The following L3MBTL4 variants were observed in gnomAD, a reference collection of about 807,000 sequenced individuals.
L3MBTL4 encodes L3MBTL histone methyl-lysine binding protein 4, also known as lethal(3)malignant brain tumor-like protein 4.
L3MBTL4 carries 70 observed loss-of-function variants against 84.5 expected under a neutral mutation model. The observed-to-expected ratio is 0.83, with a 90% CI of 0.68 to 1.01. The LOEUF is 1.01. Among genes scored for constraint, L3MBTL4 ranks in the 50% least tolerant of loss-of-function variants. The pLI is 0.00. For missense variants in L3MBTL4, 715 were observed against 754.8 expected, an observed-to-expected ratio of 0.95 and a Z score of 0.62; for synonymous variants, 274 against 259.8, an observed-to-expected ratio of 1.05 and a Z score of -0.52.
rs372278163 is a variant in L3MBTL4 at position 6,138,336 on chromosome 18, T to C, written c.1097-40A>G. On this transcript the variant is annotated intron_variant, in intron 13 of 18. Transcript: ENST00000317931. ...AGAACATGCCTTGAAAACACCCTCA[T>C]TAAAGAAGACTGCAAATCTGAAATA... 3.4e-5 allele frequency: 42 copies of C among 1,236,132 alleles called. No homozygotes were observed. In the Middle Eastern group the frequency reaches 2.1e-3, roughly 61 times the overall value. 76.6% of individuals were successfully genotyped at this position (1,236,132 alleles called of 1,614,324 possible). A position where few individuals can be genotyped will look rare whatever the true frequency, so the allele number is the denominator to read the frequency against.
chr18:6,325,056 A>G (rs2051644252), intron 1 of L3MBTL4, among the ~76,000 whole-genome samples: 1 of 152,186 alleles, frequency 6.6e-6, no homozygotes, highest in Non-Finnish European at 1.5e-5. Context: ...ACTCTGCTGG[A>G]AGAAGATTAA....
intron 1 of L3MBTL4, among the ~76,000 whole-genome samples, chr18:6,368,985 T>C (rs2054046496): frequency 6.6e-6 from 1 of 150,454 alleles, no homozygotes; most frequent in Non-Finnish European, 1.5e-5. Flanking sequence ...GAGGCTGCAG[T>C]GAGCCGAGAT....
intron 16 of L3MBTL4, among the ~76,000 whole-genome samples, chr18:5,987,605 T>C (rs553335598): frequency 6.6e-6 from 1 of 152,376 alleles, no homozygotes; most frequent in African/African-American, 2.4e-5. Flanking sequence ...TTAGCAGCCA[T>C]TATCATAAAT....
chr18:5,958,049 GGAGA>G (rs1194154773), intron 18 of L3MBTL4, among the ~76,000 whole-genome samples: 9 of 132,538 alleles, frequency 6.8e-5, no homozygotes, highest in Admixed American at 6.2e-4. Flanking sequence ...AGGAGGAGAA[GGAGA>G]AGGAGAAGGA....
At chr18:6,329,471 A>C (rs377644767) in intron 1 of L3MBTL4, among the ~76,000 whole-genome samples, 13 of 150,682 alleles carry the variant, frequency 8.6e-5, no homozygotes, top group Admixed American at 7.9e-4. Context: ...CTTTTTATAC[A>C]CTCTAGAAAT....
chr18:6,168,523 G>A (rs2043797730), intron 13 of L3MBTL4, among the ~76,000 whole-genome samples: 1 of 152,066 alleles, frequency 6.6e-6, no homozygotes, highest in South Asian at 2.1e-4. Context: ...AAATAATGCT[G>A]CATATCTACA....
intron 16 of L3MBTL4, among the ~76,000 whole-genome samples, chr18:6,048,771 C>T (rs1193630324): frequency 7.8e-5 from 11 of 140,806 alleles, no homozygotes; most frequent in South Asian, 6.8e-4. Context: ...CCTGGGCAAC[C>T]GAGTAAGACT....
chr18:6,395,946 T>A (rs527257022), intron 1 of L3MBTL4: 1 of 152,312 alleles, frequency 6.6e-6, no homozygotes, highest in Admixed American at 6.5e-5. Flanking sequence ...ACTGTCATAT[T>A]CACAATGCAT....
At chr18:6,033,407 T>G (rs1191176962) in intron 16 of L3MBTL4, among the ~76,000 whole-genome samples, 1 of 152,180 alleles carries the variant, frequency 6.6e-6, no homozygotes, top group African/African-American at 2.4e-5. Context: ...TGGATCTCGT[T>G]TTTCTTTTAA....
chr18:6,192,469 C>T (rs1348000998), intron 12 of L3MBTL4, among the ~76,000 whole-genome samples: 1 of 151,856 alleles, frequency 6.6e-6, no homozygotes, highest in Non-Finnish European at 1.5e-5. Context: ...CAGGAGCAGG[C>T]AGGTGCAGCG....
intron 16 of L3MBTL4, among the ~76,000 whole-genome samples, chr18:6,051,082 A>C (rs1015488088): frequency 6.6e-6 from 1 of 152,190 alleles, no homozygotes; most frequent in African/African-American, 2.4e-5. Context: ...TCCTTTTGCT[A>C]GTATTCCACA....
At chr18:6,192,714 C>T (rs140041005) in intron 12 of L3MBTL4, among the ~76,000 whole-genome samples, 11 of 152,208 alleles carry the variant, frequency 7.2e-5, no homozygotes, top group Admixed American at 2.0e-4. Flanking sequence ...GGTAACACTA[C>T]GTTTTGCAGT....
At chr18:6,201,833 C>T (rs1250846187) in intron 12 of L3MBTL4, among the ~76,000 whole-genome samples, 1 of 152,032 alleles carries the variant, frequency 6.6e-6, no homozygotes, top group African/African-American at 2.4e-5. Context: ...ATAAATACCC[C>T]ATAAATATGT....
chr18:6,343,448 G>C (rs760102410), intron 1 of L3MBTL4, among the ~76,000 whole-genome samples: 21 of 152,284 alleles, frequency 1.4e-4, no homozygotes, highest in Middle Eastern at 3.4e-3. Context: ...CAGATCACAA[G>C]ATCAGGAGAT....
intron 16 of L3MBTL4, among the ~76,000 whole-genome samples, chr18:5,996,754 T>TG (rs1469518564): frequency 6.6e-6 from 1 of 152,140 alleles, no homozygotes; most frequent in Non-Finnish European, 1.5e-5. Context: ...TGTGGACCAG[T>TG]GGAGCATTGA....
At chr18:6,104,962 C>T (rs1020528893) in intron 14 of L3MBTL4, among the ~76,000 whole-genome samples, 4 of 151,478 alleles carry the variant, frequency 2.6e-5, no homozygotes, top group Admixed American at 2.6e-4. Context: ...TAGAAATCTT[C>T]ATGAAATCTT....
intron 12 of L3MBTL4, among the ~76,000 whole-genome samples, chr18:6,198,008 A>G (rs1295597438): frequency 1.3e-5 from 2 of 152,130 alleles, no homozygotes; most frequent in Admixed American, 6.5e-5. Context: ...GTCTTAATTC[A>G]GCCTGTTTCT....
intron 12 of L3MBTL4, among the ~76,000 whole-genome samples, chr18:6,207,030 T>C (rs1015128054): frequency 2.0e-5 from 3 of 152,214 alleles, no homozygotes; most frequent in Admixed American, 1.3e-4. Context: ...AGACCCTTAT[T>C]ACCACCTGTT....
chr18:6,162,219 T>C (rs2043376742), intron 13 of L3MBTL4, among the ~76,000 whole-genome samples: 1 of 152,100 alleles, frequency 6.6e-6, no homozygotes, highest in South Asian at 2.1e-4. Flanking sequence ...TAAAATAACA[T>C]TCAAGTCAGA....
Sources: allele counts gnomAD v4.1 joint callset (sites outside exome capture counted in the v4.1 genomes callset), GRCh38; gene constraint gnomAD v4.1.1; transcripts MANE v1.5; gene names NCBI Gene and HGNC (gene_info 2026-07-23, HGNC 2026-07-21).